MARS1: variants seen among roughly 807,000 people sequenced by gnomAD.
The protein encoded by MARS1 is methionine--tRNA ligase, cytoplasmic.
MARS1 carries 80 observed loss-of-function variants against 119.5 expected under a neutral mutation model. The observed-to-expected ratio is 0.67, with a 90% CI of 0.56 to 0.81. The LOEUF is 0.81. Ranked by LOEUF, MARS1 falls within the 30% of genes least tolerant of loss-of-function variation. MARS1 has a pLI of 0.00. For missense variants in MARS1, 945 were observed against 1,116.5 expected (o/e 0.85, Z 2.19); for synonymous variants, 418 against 433.4 (o/e 0.96, Z 0.44).
intron 10 of MARS1, among the ~76,000 whole-genome samples, chr12:57,503,442 A>G (rs1877026771): frequency 6.6e-6 from 1 of 152,096 alleles, no homozygotes; most frequent in South Asian, 2.1e-4. Context: ...CATGCTGGCC[A>G]GGCTGGATTT....
chr12:57,500,610 T>A, intron 10 of MARS1, 88 bp downstream of exon 10: 1 of 1,323,590 alleles, frequency 7.6e-7, no homozygotes, highest in Non-Finnish European at 1.1e-6. Context: ...GATTTTTATT[T>A]TAGCATTCTA....
At chr12:57,494,207 C>T (rs769373656) in intron 7 of MARS1, among the ~76,000 whole-genome samples, 8 of 151,134 alleles carry the variant, frequency 5.3e-5, no homozygotes, top group African/African-American at 7.3e-5. Flanking sequence ...CCACCTGCCT[C>T]GGCCTCCCAA....
chr12:57,495,736 C>T (rs1008150353), intron 7 of MARS1, among the ~76,000 whole-genome samples: 24 of 152,242 alleles, frequency 1.6e-4, no homozygotes, highest in Non-Finnish European at 3.1e-4. Flanking sequence ...AGCGAGACTC[C>T]GTCTGCAATC....
In MARS1 at chr12:57,515,941, T is replaced by C. The variant is rs1160499295; in HGVS notation, c.2413T>C (p.Leu805=). Residue 805 remains leucine, a synonymous_variant, in exon 19 of 21, where the codon TTG becomes CTG. Coordinates refer to ENST00000262027, the MANE Select transcript of MARS1 (RefSeq NM_004990.4). ...IGTVSPLFQK[L]ENDQIESLRQ... ...ACAGGTCAGTCCCTTGTTCCAAAAA[T>C]TGGAAAATGACCAGATTGAAAGTTT... 1 of 1,614,038 alleles carries C rather than the reference T, an allele frequency of 6.2e-7. No individual in the cohort carries two copies. The highest frequency in any genetic ancestry group is 1.7e-5 in the Admixed American group (1 of 60,006).
Position 57,490,557 on chromosome 12 carries a change from T to C in MARS1, c.683T>C (p.Leu228Pro), listed in dbSNP as rs143003497. 21 of 1,614,024 alleles carry C rather than the reference T, an allele frequency of 1.3e-5. No individual in the cohort carries two copies. The African/African-American group carries it at 2.5e-4, about 19-fold the overall frequency. The stretch of plus-strand genomic sequence containing the variant: ...TTATAGGAGGAGGAGCTGGCTACCC[T>C]ATCTGAGGAGGAGATTGCTATGGCT... The part of the protein sequence containing the change: ...NEPEEEELAT[L>P]SEEEIAMAVT... The change falls in exon 7 of 21, where the codon CTA becomes CCA. Residue 228 changes from leucine (L) to proline (P), a missense_variant. Coordinates refer to ENST00000262027, the MANE Select transcript of MARS1 (RefSeq NM_004990.4).
At position 57,489,185 on chromosome 12, in the gene MARS1, C is replaced by T. The variant is rs1875723498; in HGVS notation, c.200+76C>T. The T allele has an allele frequency of 1.9e-6, 3 of 1,593,412 alleles. No individual in the cohort carries two copies. In the East Asian group the frequency reaches 6.7e-5, roughly 36 times the overall value. On this transcript the variant is annotated intron_variant, in intron 2 of 20. Transcript: ENST00000262027. ...ACTGTCATTTGTGTGGCTTTATTTG[C>T]AGCCATTGTTTCCCTGTGTGATGAG...
chr12:57,495,330 G>A (rs1403303232), intron 7 of MARS1, among the ~76,000 whole-genome samples: 51 of 150,514 alleles, frequency 3.4e-4, no homozygotes, highest in Admixed American at 4.0e-4. Context: ...ATGGGGTGGC[G>A]GTCGGGCAGA....
chr12:57,508,841 T>C (rs577743458), intron 11 of MARS1, among the ~76,000 whole-genome samples: 1 of 152,222 alleles, frequency 6.6e-6, no homozygotes, highest in African/African-American at 2.4e-5. Flanking sequence ...GGATTACAGG[T>C]GTAAGCCACT....
Position 57,500,491 on chromosome 12 carries a change from G to A in MARS1, c.1262G>A (p.Cys421Tyr). The change falls in exon 10 of 21, where the codon TGT (cysteine) becomes TAT (tyrosine). Residue 421 changes from cysteine (C) to tyrosine (Y), a missense_variant. Transcript: ENST00000262027. ...EEARGDQCDK[C>Y]GKLINAVELK... ...GCTCGGGGTGACCAGTGTGACAAGT[G>A]TGGCAAGCTCATCAATGCTGTCGAG... The A allele has an allele frequency of 1.2e-6, 2 of 1,614,190 alleles. No homozygotes were observed. The highest frequency in any genetic ancestry group is 8.5e-7 in the Non-Finnish European group (1 of 1,180,036).
chr12:57,511,316 G>C (rs1449594853), intron 11 of MARS1, among the ~76,000 whole-genome samples: 3 of 152,018 alleles, frequency 2.0e-5, no homozygotes, highest in African/African-American at 7.3e-5. Flanking sequence ...GGGCAGGGTG[G>C]CTCACAACTG....
At chr12:57,490,683 G>A (rs1275194527) in intron 7 of MARS1, 39 bp downstream of exon 7, 2 of 1,574,352 alleles carry the variant, frequency 1.3e-6, no homozygotes, top group Admixed American at 3.4e-5. Context: ...GCTTGATTTT[G>A]TAGTGGAAAT....
chr12:57,500,312 C>T lies in MARS1; in HGVS notation c.1092-9C>T, dbSNP rs769786069. ...CTGTCTCTTCCTGATCCCTGGCCCA[C>T]CTCACCAGAATCACCCAGGACATTT... is the stretch of plus-strand genomic sequence containing the variant. On this transcript the variant is annotated splice_polypyrimidine_tract_variant and intron_variant, in intron 9 of 20. Transcript: ENST00000262027. 1.9e-6 allele frequency: 3 copies of T among 1,613,492 alleles called. No homozygotes were observed. The highest frequency in any genetic ancestry group is 1.3e-5 in the African/African-American group (1 of 74,936).
intron 11 of MARS1, among the ~76,000 whole-genome samples, chr12:57,507,560 G>A (rs1272014933): frequency 4.1e-5 from 6 of 145,272 alleles, no homozygotes; most frequent in Non-Finnish European, 7.7e-5. Context: ...AGGGGCGGCC[G>A]GGCAGAGGCG....
At chr12:57,498,029 G>A in intron 7 of MARS1, 128 bp from the exon 8 acceptor site, 1 of 699,296 alleles carries the variant, frequency 1.4e-6, no homozygotes, top group South Asian at 1.6e-5. Context: ...TTTGTGTGCA[G>A]AAAGACTTCA....
intron 7 of MARS1, among the ~76,000 whole-genome samples, chr12:57,492,276 CAAAA>C (rs1052995609): frequency 1.8e-5 from 1 of 55,504 alleles, no homozygotes; most frequent in Admixed American, 2.1e-4. Context: ...AAGACTGTCT[CAAAA>C]AAAAAAAAAA....
chr12:57,515,462 A>G, intron 18 of MARS1, 126 bp downstream of exon 18: 5 of 922,660 alleles, frequency 5.4e-6, no homozygotes, highest in Non-Finnish European at 6.4e-6. Context: ...TTTCTGATAT[A>G]AAGTCCTTGG....
rs1448348991 is a variant in MARS1 at position 57,512,933 on chromosome 12, C to T, written c.1936C>T (p.Leu646=). 2.5e-6 allele frequency: 4 copies of T among 1,614,198 alleles called. No individual in the cohort carries two copies. The Admixed American group carries it at 5.0e-5, about 20-fold the overall frequency. ...CCTGCTGCTGAAGAATAATTCTGAGCTGCTTAACAACCTGGGCAACTTCAT... is the reference window on the plus strand; with the variant it reads ...CCTGCTGCTGAAGAATAATTCTGAGTTGCTTAACAACCTGGGCAACTTCAT... ...TDLLLKNNSE[L]LNNLGNFINR... Residue 646 remains leucine (L), a synonymous_variant, in exon 15 of 21, where the codon CTG becomes TTG. Transcript: ENST00000262027.
intron 15 of MARS1, among the ~76,000 whole-genome samples, chr12:57,514,440 C>T (rs538770615): frequency 9.2e-5 from 14 of 152,166 alleles, no homozygotes; most frequent in East Asian, 1.9e-4. Context: ...GGATTTTAGG[C>T]GTGAGCCACT....
At chr12:57,498,683 AG>A in intron 9 of MARS1, 60 bp downstream of exon 9, 1 of 1,519,524 alleles carries the variant, frequency 6.6e-7, no homozygotes, top group Non-Finnish European at 9.1e-7. Context: ...GAACAGTGGG[AG>A]TATCTTGGAG....
Sources: gnomAD v4.1 joint callset for allele counts (sites outside exome capture counted in the v4.1 genomes callset) on GRCh38, gnomAD v4.1.1 for gene constraint, MANE v1.5 for transcripts, NCBI Gene and HGNC (gene_info 2026-07-23, HGNC 2026-07-21) for gene names.